MYO1E: variants seen among roughly 807,000 people sequenced by gnomAD.
MYO1E encodes the protein myosin IE.
MYO1E carries 68 observed loss-of-function variants against 151.1 expected under a neutral mutation model. That is an observed-to-expected ratio of 0.45 (90% CI 0.37 to 0.55). MYO1E has a LOEUF of 0.55. Among genes scored for constraint, MYO1E ranks in the 20% least tolerant of loss-of-function variants. The probability of loss-of-function intolerance (pLI) is 0.00; values close to 1 mark genes in which losing one functional copy is unlikely to be tolerated. For missense variants in MYO1E, 1,363 were observed against 1,389.3 expected, an observed-to-expected ratio of 0.98 and a Z score of 0.30; for synonymous variants, 601 against 501.7, an observed-to-expected ratio of 1.20 and a Z score of -2.64.
chr15:59,322,406 A>C (rs1414183703), intron 1 of MYO1E, among the ~76,000 whole-genome samples: 1 of 152,198 alleles, frequency 6.6e-6, no homozygotes, highest in African/African-American at 2.4e-5. Flanking sequence ...TTGCTCTGAA[A>C]ATTTTGACCT....
At chr15:59,326,771 T>C (rs1225329898) in intron 1 of MYO1E, among the ~76,000 whole-genome samples, 1 of 152,230 alleles carries the variant, frequency 6.6e-6, no homozygotes, top group African/African-American at 2.4e-5. Context: ...TAATTAAAGA[T>C]GATGTATTCC....
intron 19 of MYO1E, among the ~76,000 whole-genome samples, chr15:59,176,323 G>T (rs376038204): frequency 1.3e-5 from 2 of 152,276 alleles, no homozygotes; most frequent in East Asian, 3.9e-4. Context: ...GCCCCCCAAA[G>T]TGCTGGGATT....
rs1020881703 is a variant in MYO1E, at chr15:59,188,034, C to A, written c.1904+84G>T. The stretch of plus-strand genomic sequence containing the variant: ...ATACGTTAAAAGCCATTGACTCGTA[C>A]GCTTGAAGTGGGTGAATTGTATAGA... On this transcript the variant is annotated intron_variant, in intron 18 of 27. Transcript: ENST00000288235. 5 of 1,030,606 alleles carry A rather than the reference C, an allele frequency of 4.9e-6. No homozygotes were observed. In the Admixed American group the frequency reaches 6.8e-5, roughly 14 times the overall value. 63.8% of individuals were successfully genotyped at this position (1,030,606 alleles called of 1,614,324 possible).
intron 5 of MYO1E, among the ~76,000 whole-genome samples, chr15:59,235,853 C>G (rs12591933): frequency 6.6e-6 from 1 of 152,174 alleles, no homozygotes; most frequent in Non-Finnish European, 1.5e-5. Flanking sequence ...TGGTAAGATT[C>G]TGGCCAATCT....
At chr15:59,232,812 G>A (rs2080036318) in intron 5 of MYO1E, among the ~76,000 whole-genome samples, 1 of 152,172 alleles carries the variant, frequency 6.6e-6, no homozygotes, top group Admixed American at 6.5e-5. Context: ...GTAAATTAAT[G>A]AACTACTAAC....
chr15:59,263,810 T>G (rs2080237739), intron 2 of MYO1E, among the ~76,000 whole-genome samples: 1 of 152,124 alleles, frequency 6.6e-6, no homozygotes, highest in African/African-American at 2.4e-5. Flanking sequence ...TGAAAATTAC[T>G]GAAGAGTTAT....
At chr15:59,215,917 GCTCAGGCCTGAAGTTCCCTT>G (rs1488938664) in intron 10 of MYO1E, among the ~76,000 whole-genome samples, 2 of 152,120 alleles carry the variant, frequency 1.3e-5, no homozygotes, top group African/African-American at 4.8e-5. Context: ...AACCACCATT[GCTCAGGCCTGAAGTTCCCTT>G]CTCAGTAAAA....
intron 1 of MYO1E, among the ~76,000 whole-genome samples, chr15:59,275,927 GGCACACAGCCTCT>G (rs2080315828): frequency 6.6e-6 from 1 of 152,170 alleles, no homozygotes; most frequent in African/African-American, 2.4e-5. Context: ...CTTGTCCAGA[GGCACACAGCCTCT>G]GCACACAGCC....
chr15:59,141,627 G>A (rs1186105208), intron 26 of MYO1E, among the ~76,000 whole-genome samples: 2 of 151,922 alleles, frequency 1.3e-5, no homozygotes, highest in African/African-American at 2.4e-5. Context: ...GGCGAAACCC[G>A]TCTCTACTGA....
At chr15:59,281,430 C>G (rs530316429) in intron 1 of MYO1E, among the ~76,000 whole-genome samples, 49 of 152,134 alleles carry the variant, frequency 3.2e-4, no homozygotes, top group African/African-American at 1.1e-3. Flanking sequence ...CGTGCACTAC[C>G]ACACCAAGCT....
At chr15:59,334,497 C>G (rs1322911784) in intron 1 of MYO1E, among the ~76,000 whole-genome samples, 1 of 150,134 alleles carries the variant, frequency 6.7e-6, no homozygotes, top group African/African-American at 2.4e-5. Flanking sequence ...AAAAAATGAC[C>G]ATTTTAGACG....
chr15:59,236,870 G>A, intron 4 of MYO1E, among the ~76,000 whole-genome samples, 198 bp from the exon 5 acceptor site: 1 of 152,192 alleles, frequency 6.6e-6, no homozygotes, highest in South Asian at 2.1e-4. Context: ...TGACCCGTGT[G>A]AGCCGGATTA....
chr15:59,372,408 C>G, intron 1 of MYO1E, 90 bp downstream of exon 1: 4 of 1,490,190 alleles, frequency 2.7e-6, no homozygotes, highest in Non-Finnish European at 3.6e-6. Context: ...CCCCTGGCCC[C>G]GGCAGCGCGC....
chr15:59,339,341 A>G (rs1441041471), intron 1 of MYO1E, among the ~76,000 whole-genome samples: 1 of 152,206 alleles, frequency 6.6e-6, no homozygotes, highest in African/African-American at 2.4e-5. Context: ...TGGTTTTCTA[A>G]CCAAATATTT....
At chr15:59,204,729 CCCT>C (rs1302166329) in intron 15 of MYO1E, among the ~76,000 whole-genome samples, 1 of 152,172 alleles carries the variant, frequency 6.6e-6, no homozygotes, top group Non-Finnish European at 1.5e-5. Context: ...CTTTAGTTGT[CCCT>C]CCCAGAGTTC....
chr15:59,258,748 T>C (rs1458862858), intron 3 of MYO1E, among the ~76,000 whole-genome samples: 3 of 152,072 alleles, frequency 2.0e-5, no homozygotes, highest in Non-Finnish European at 4.4e-5. Context: ...AGCTATTTGC[T>C]TGGGAAGCTG....
In MYO1E at chr15:59,223,195, G is replaced by C. The variant is rs1401005245; in HGVS notation, c.778-4C>G. The C allele has an allele frequency of 1.2e-6, 2 of 1,613,928 alleles. No individual in the cohort carries two copies. Among genetic ancestry groups the C allele is most frequent in the Non-Finnish European group, 1.7e-6 (2 of 1,179,976 alleles). ...TCCCAATCACATTCATGGCGTGCTG[G>C]AAGAGAAAAGAGAAACTATCCAGAG... On this transcript the variant is annotated splice_polypyrimidine_tract_variant and splice_region_variant and intron_variant, in intron 8 of 27. Transcript: ENST00000288235.
chr15:59,196,078 T>C (rs2079764587), intron 16 of MYO1E, among the ~76,000 whole-genome samples: 1 of 152,210 alleles, frequency 6.6e-6, no homozygotes, highest in African/African-American at 2.4e-5. Context: ...TGAAAATTCA[T>C]AGTTAAAGAA....
At chr15:59,174,316 AG>A in intron 19 of MYO1E, 76 bp from the exon 20 acceptor site, 4 of 1,037,744 alleles carry the variant, frequency 3.9e-6, no homozygotes, top group Non-Finnish European at 4.5e-6. Flanking sequence ...TTGTTATTCC[AG>A]GGACCCTCAG....
Sources: allele counts gnomAD v4.1 joint callset (sites outside exome capture counted in the v4.1 genomes callset), GRCh38; gene constraint gnomAD v4.1.1; transcripts MANE v1.5; gene names NCBI Gene and HGNC (gene_info 2026-07-23, HGNC 2026-07-21).